TMEM266: variants seen among roughly 807,000 people sequenced by gnomAD.
The protein encoded by TMEM266 is Hv1 related protein 1.
TMEM266 carries 33 observed loss-of-function variants against 50.5 expected under a neutral mutation model. The ratio of observed to expected loss-of-function variants is 0.65; its 90% CI spans 0.50 to 0.87. The LOEUF is 0.87. Ranked by LOEUF, TMEM266 falls within the 40% of genes least tolerant of loss-of-function variation. The pLI, the probability that TMEM266 is intolerant of heterozygous loss-of-function variation, is 0.00. For synonymous variants in TMEM266, 310 were observed against 292.3 expected, an observed-to-expected ratio of 1.06 and a Z score of -0.62; for missense variants, 655 against 695.1, an observed-to-expected ratio of 0.94 and a Z score of 0.65.
intron 5 of TMEM266, among the ~76,000 whole-genome samples, chr15:76,167,994 G>A (rs1449278059): frequency 6.6e-6 from 1 of 152,294 alleles, no homozygotes; most frequent in East Asian, 1.9e-4. Flanking sequence ...TATAGTAGAT[G>A]GCAGATATTA....
chr15:76,065,872 G>A (rs769852866), intron 1 of TMEM266, among the ~76,000 whole-genome samples: 7 of 152,018 alleles, frequency 4.6e-5, no homozygotes, highest in Admixed American at 6.6e-5. Context: ...GTCCACTTCT[G>A]AGGCTTTGTC....
chr15:76,189,357 G>A (rs927421279), intron 8 of TMEM266, among the ~76,000 whole-genome samples: 1 of 145,446 alleles, frequency 6.9e-6, no homozygotes, highest in African/African-American at 2.8e-5. Context: ...AGGAGGGGAG[G>A]GAGGGAGGAA....
At chr15:76,201,447 A>C (rs539425813) in intron 9 of TMEM266, among the ~76,000 whole-genome samples, 1 of 152,262 alleles carries the variant, frequency 6.6e-6, no homozygotes, top group Non-Finnish European at 1.5e-5. Flanking sequence ...GCTGGAGTGC[A>C]GTGGTGTGAT....
At chr15:76,155,776 A>G (rs1211530765) in intron 3 of TMEM266, among the ~76,000 whole-genome samples, 1 of 152,226 alleles carries the variant, frequency 6.6e-6, no homozygotes, top group Non-Finnish European at 1.5e-5. Context: ...TGTTCCACTC[A>G]GTCTACTTTG....
intron 4 of TMEM266, among the ~76,000 whole-genome samples, chr15:76,159,585 C>A (rs1174030897): frequency 6.6e-6 from 1 of 152,126 alleles, no homozygotes; most frequent in East Asian, 1.9e-4. Flanking sequence ...CACTGGCCGA[C>A]ACCACCGTCT....
chr15:76,176,426 C>G (rs2038281498), intron 8 of TMEM266: 1 of 152,942 alleles, frequency 6.5e-6, no homozygotes, highest in Admixed American at 6.5e-5. Context: ...GCTGAGAGCT[C>G]TGTAGAAGTG....
intron 1 of TMEM266, among the ~76,000 whole-genome samples, chr15:76,105,555 A>G (rs145696312): frequency 5.3e-5 from 8 of 152,336 alleles, no homozygotes; most frequent in Non-Finnish European, 7.4e-5. Flanking sequence ...GCACTATTCA[A>G]TCTTCCATTG....
Position 76,093,142 on chromosome 15 carries a change from T to C in TMEM266, c.-97+33126T>C, listed in dbSNP as rs935512915. ...TTATTTATTTATTTATTTATTCTTT[T>C]TTTTATTATTATACTTTAAGTTCTG... On this transcript the variant is annotated intron_variant, in intron 1 of 10. Coordinates refer to ENST00000388942, the MANE Select transcript of TMEM266 (RefSeq NM_152335.3). Among the ~76,000 whole-genome samples, 3 of 151,774 alleles carry C rather than the reference T, an allele frequency of 2.0e-5. No individual in the cohort carries two copies. The South Asian group carries it at 6.2e-4, about 31-fold the overall frequency.
At chr15:76,137,431 A>C (rs1382885922) in intron 2 of TMEM266, among the ~76,000 whole-genome samples, 1 of 152,076 alleles carries the variant, frequency 6.6e-6, no homozygotes, top group African/African-American at 2.4e-5. Context: ...CCTCCCCTTC[A>C]TGAAGGACTC....
chr15:76,159,984 C>A, intron 4 of TMEM266, 111 bp from the exon 5 acceptor site: 1 of 1,004,406 alleles, frequency 1.0e-6, no homozygotes, highest in Non-Finnish European at 1.5e-6. Context: ...TCTAAACGTT[C>A]ATGCAGGCGG....
intron 1 of TMEM266, among the ~76,000 whole-genome samples, chr15:76,097,341 G>A (rs374821957): frequency 2.4e-4 from 37 of 152,012 alleles, no homozygotes; most frequent in African/African-American, 8.7e-4. Context: ...TCGCTTGTCT[G>A]TAAAGGGTTT....
At chr15:76,180,644 C>T (rs954114870) in intron 8 of TMEM266, among the ~76,000 whole-genome samples, 15 of 118,630 alleles carry the variant, frequency 1.3e-4, no homozygotes, top group Middle Eastern at 7.4e-3. Context: ...AACAGAGTCT[C>T]ACTCTGTCAC....
intron 1 of TMEM266, among the ~76,000 whole-genome samples, chr15:76,116,483 T>C (rs1375748908): frequency 6.6e-6 from 1 of 151,670 alleles, no homozygotes; most frequent in African/African-American, 2.4e-5. Flanking sequence ...GTCCTGTCCC[T>C]CCCCCTCTCC....
chr15:76,193,573 G>A (rs1283079199), intron 9 of TMEM266, among the ~76,000 whole-genome samples: 1 of 152,142 alleles, frequency 6.6e-6, no homozygotes, highest in Admixed American at 6.5e-5. Context: ...GGGGCTAGAG[G>A]GGATTTCTGG....
intron 3 of TMEM266, among the ~76,000 whole-genome samples, chr15:76,141,813 G>A (rs1195539351): frequency 1.3e-5 from 2 of 152,158 alleles, no homozygotes; most frequent in Non-Finnish European, 2.9e-5. Flanking sequence ...TACTCTAAGT[G>A]CCTCCTATAA....
intron 8 of TMEM266, among the ~76,000 whole-genome samples, chr15:76,180,730 C>A (rs1169900654): frequency 6.6e-6 from 1 of 150,936 alleles, no homozygotes; most frequent in African/African-American, 2.4e-5. Flanking sequence ...TCTCCTGCCT[C>A]AGCTTCCCGG....
intron 1 of TMEM266, among the ~76,000 whole-genome samples, chr15:76,080,648 A>C (rs1321836388): frequency 6.6e-6 from 1 of 152,028 alleles, no homozygotes; most frequent in African/African-American, 2.4e-5. Context: ...CTACAGATGG[A>C]GCTAGTTCCC....
At chr15:76,112,190 A>G (rs1479565980) in intron 1 of TMEM266, 1 of 152,226 alleles carries the variant, frequency 6.6e-6, no homozygotes, top group African/African-American at 2.4e-5. Context: ...CTATAGCTCT[A>G]CTGTTCTGTA....
At position 76,160,120 on chromosome 15, in the gene TMEM266, C is replaced by A. The variant is rs547975178; in HGVS notation, c.408C>A (p.Gly136=). The change falls in exon 5 of 11, where the codon GGC becomes GGA. Residue 136 remains glycine, a synonymous_variant. Coordinates refer to ENST00000388942, the MANE Select transcript of TMEM266 (RefSeq NM_152335.3). The surrounding 1 kb of genome is among the most constrained non-coding windows in gnomAD (Gnocchi z 5.7). The stretch of plus-strand genomic sequence containing the variant: ...TTTCCAGCGCATTCCAGTTTGCTGG[C>A]GTGATTCACTGGATCAGCCTGGTCA... 1.2e-6 allele frequency: 2 copies of A among 1,614,194 alleles called. No individual in the cohort carries two copies. The highest frequency in any genetic ancestry group is 1.7e-6 in the Non-Finnish European group (2 of 1,180,018).
Sources: allele counts gnomAD v4.1 joint callset (sites outside exome capture counted in the v4.1 genomes callset), GRCh38; gene constraint gnomAD v4.1.1; non-coding constraint Gnocchi (gnomAD v3.1); transcripts MANE v1.5; gene names NCBI Gene and HGNC (gene_info 2026-07-23, HGNC 2026-07-21).